The following PCDH19 variants were observed in gnomAD, a reference collection of about 807,000 sequenced individuals.
PCDH19 encodes protocadherin 19.
Under a neutral mutation model 46.2 loss-of-function variants are expected in PCDH19, and 6 were observed. The observed-to-expected ratio is 0.13, with a 90% CI of 0.07 to 0.26. The LOEUF (loss-of-function observed/expected upper bound fraction) is 0.26, where lower values mean the gene tolerates loss of function less well. Ranked by LOEUF, PCDH19 falls within the 10% of genes least tolerant of loss-of-function variation. PCDH19 has a pLI of 1.00. For synonymous variants in PCDH19, 481 were observed against 415.7 expected (o/e 1.16, Z -1.91); for missense variants, 740 against 972.3 (o/e 0.76, Z 3.18).
chrX:100,403,643 A>G lies in PCDH19; in HGVS notation c.2169T>C (p.Cys723=). Residue 723 remains cysteine, a synonymous_variant, in exon 2 of 6, where the codon TGT becomes TGC. Transcript: ENST00000373034. The part of the protein sequence containing the change: ...YNCSNCLTIT[C]LLGCFIKGQN... ...GTCCTTTTATAAAACAGCCGAGGAG[A>G]CAAGTGATGGTTAAACAATTACTGC... 8.3e-7 allele frequency: 1 copy of G among 1,205,179 alleles called. No homozygotes were observed. The highest frequency in any genetic ancestry group is 1.8e-5 in the South Asian group (1 of 55,888).
Position 100,307,879 on chromosome X carries a change from G to A in PCDH19, c.2849-11004C>T, listed in dbSNP as rs182433163. On this transcript the variant is annotated intron_variant, in intron 5 of 5. Coordinates refer to ENST00000373034, the MANE Select transcript of PCDH19 (RefSeq NM_001184880.2). ...ACAAAGAAAACTATAAAACACTGCT[G>A]AAAAAAATTATAGATGACACAAACC... Among the ~76,000 whole-genome samples, 48 of 110,464 alleles carry A rather than the reference G, an allele frequency of 4.3e-4. 1 individual carries two copies. The highest frequency in any genetic ancestry group is 4.0e-3 in the Admixed American group (42 of 10,388).
chrX:100,399,113 A>C (rs1319746361), intron 3 of PCDH19, among the ~76,000 whole-genome samples: 2 of 112,305 alleles, frequency 1.8e-5, no homozygotes, highest in Non-Finnish European at 3.8e-5. Flanking sequence ...CTAATGGGAT[A>C]AATTAATGAA....
At chrX:100,343,516 G>T (rs1304049642) in intron 4 of PCDH19, among the ~76,000 whole-genome samples, 1 of 111,805 alleles carries the variant, frequency 8.9e-6, no homozygotes, top group Non-Finnish European at 1.9e-5. Flanking sequence ...ACCATACAAT[G>T]CACTATGCAT....
intron 3 of PCDH19, among the ~76,000 whole-genome samples, chrX:100,370,319 T>C (rs765131519): frequency 1.3e-4 from 15 of 111,829 alleles, no homozygotes; most frequent in Non-Finnish European, 2.4e-4. Context: ...AAGGCAGAAA[T>C]CAGCACAAAT....
intron 3 of PCDH19, among the ~76,000 whole-genome samples, chrX:100,371,849 TACACACACACACAC>T (rs56125276): frequency 2.5e-5 from 2 of 80,757 alleles, no homozygotes; most frequent in Admixed American, 1.3e-4. Context: ...CAAATGACTA[TACACACACACACAC>T]ACACACACAC....
intron 3 of PCDH19, among the ~76,000 whole-genome samples, chrX:100,365,516 T>C (rs890180640): frequency 8.9e-6 from 1 of 111,986 alleles, no homozygotes; most frequent in African/African-American, 3.2e-5. Flanking sequence ...TATTGCCAAA[T>C]GTAGTCATTT....
chrX:100,385,067 G>A lies in PCDH19; in HGVS notation c.2616+17457C>T. On this transcript the variant is annotated intron_variant, in intron 3 of 5. Coordinates refer to ENST00000373034, the MANE Select transcript of PCDH19 (RefSeq NM_001184880.2). ...CCAGCTACTTGGGAGGCTGAGGCAG[G>A]AGAATCGCTTGAACCTGGAAGGTGG... is the stretch of plus-strand genomic sequence containing the variant. 2.8e-5 allele frequency among the ~76,000 whole-genome samples: 3 copies of A among 107,715 alleles called. 1 individual carries two copies. In the Middle Eastern group the frequency reaches 0.014, roughly 520 times the overall value. 93.5% of individuals were successfully genotyped at this position (107,715 alleles called of 115,157 possible). A position where few individuals can be genotyped will look rare whatever the true frequency, so the allele number is the denominator to read the frequency against.
At chrX:100,369,186 C>T (rs1242461475) in intron 3 of PCDH19, among the ~76,000 whole-genome samples, 2 of 110,979 alleles carry the variant, frequency 1.8e-5, no homozygotes, top group African/African-American at 6.6e-5. Context: ...CTCAATATTC[C>T]TAAGAGGAAA....
chrX:100,307,558 A>G (rs968833100), intron 5 of PCDH19, among the ~76,000 whole-genome samples: 4 of 111,792 alleles, frequency 3.6e-5, no homozygotes, highest in African/African-American at 1.3e-4. Flanking sequence ...CAATCCAACA[A>G]GAGAAAGAAA....
chrX:100,308,501 A>G (rs1042748473), intron 5 of PCDH19, among the ~76,000 whole-genome samples: 2 of 112,185 alleles, frequency 1.8e-5, no homozygotes, highest in Non-Finnish European at 3.8e-5. Context: ...CAAGAACCCA[A>G]AAGCAAACAC....
chrX:100,336,929 G>A (rs760834167), intron 5 of PCDH19, among the ~76,000 whole-genome samples: 1 of 111,643 alleles, frequency 9.0e-6, no homozygotes, highest in Admixed American at 9.5e-5. Context: ...ACATATTTAA[G>A]TAAGAATAAT....
intron 3 of PCDH19, among the ~76,000 whole-genome samples, chrX:100,380,602 C>T (rs1218603658): frequency 9.0e-6 from 1 of 111,532 alleles, no homozygotes; most frequent in African/African-American, 3.3e-5. Context: ...AAATGAGTTG[C>T]TAGTATTGAA....
chrX:100,368,465 T>G (rs1927133015), intron 3 of PCDH19, among the ~76,000 whole-genome samples: 1 of 111,725 alleles, frequency 9.0e-6, no homozygotes, highest in Non-Finnish European at 1.9e-5. Flanking sequence ...GAGCTTTCCT[T>G]TCACCATTTA....
Position 100,295,669 on chromosome X carries a change from T to C in PCDH19, c.*608A>G, listed in dbSNP as rs1344800486. 2.7e-5 allele frequency: 3 copies of C among 112,328 alleles called. No homozygotes were observed. Among genetic ancestry groups the C allele is most frequent in the African/African-American group, 9.7e-5 (3 of 30,816 alleles). 9.3% of individuals were successfully genotyped at this position (112,328 alleles called of 1,213,427 possible). On this transcript the variant is annotated 3_prime_UTR_variant, in exon 6 of 6. Transcript: ENST00000373034. ...AAGCCTTTTGCCATCACCACACACA[T>C]AGCAATTTGCAATATCAAATACAAC...
intron 3 of PCDH19, among the ~76,000 whole-genome samples, chrX:100,352,411 G>A (rs758400005): frequency 4.6e-4 from 52 of 112,488 alleles, no homozygotes; most frequent in African/African-American, 1.6e-3. Flanking sequence ...GTTCATCTAC[G>A]ATATTCAGTA....
intron 5 of PCDH19, among the ~76,000 whole-genome samples, chrX:100,328,143 T>A (rs904267078): frequency 4.5e-5 from 5 of 112,285 alleles, no homozygotes; most frequent in Non-Finnish European, 5.6e-5. Context: ...ATCTAGAGAT[T>A]CTGTCCCCTA....
chrX:100,354,026 C>A (rs992041313), intron 3 of PCDH19, among the ~76,000 whole-genome samples: 1 of 111,991 alleles, frequency 8.9e-6, no homozygotes, highest in African/African-American at 3.3e-5. Flanking sequence ...AAAATCTATG[C>A]AGCAGAATTA....
intron 5 of PCDH19, among the ~76,000 whole-genome samples, chrX:100,322,307 C>A (rs1044209200): frequency 1.8e-5 from 2 of 111,231 alleles, no homozygotes; most frequent in African/African-American, 6.6e-5. Context: ...TATCCCAGCA[C>A]CATTTTTTGA....
intron 3 of PCDH19, among the ~76,000 whole-genome samples, chrX:100,400,537 T>C (rs1315254235): frequency 8.9e-6 from 1 of 112,853 alleles, no homozygotes; most frequent in African/African-American, 3.2e-5. Context: ...TGCTGAGCTA[T>C]TGGTGATCCA....
Sources: gnomAD v4.1 joint callset for allele counts (sites outside exome capture counted in the v4.1 genomes callset) on GRCh38, gnomAD v4.1.1 for gene constraint, MANE v1.5 for transcripts, NCBI Gene and HGNC (gene_info 2026-07-23, HGNC 2026-07-21) for gene names.